The following SCLY variants were observed in gnomAD, a reference collection of about 807,000 sequenced individuals.
The protein encoded by SCLY is selenocysteine lyase, also known as putative selenocysteine lyase.
Under a neutral mutation model 50.1 loss-of-function variants are expected in SCLY, and 38 were observed. The observed-to-expected ratio is 0.76, with a 90% CI of 0.59 to 0.99. The LOEUF is 0.99. SCLY is among the 50% of genes least tolerant of loss of function. The pLI is 0.00. For synonymous variants in SCLY, 243 were observed against 249.4 expected (o/e 0.97, Z 0.24); for missense variants, 600 against 620.0 (o/e 0.97, Z 0.34).
At position 238,067,384 on chromosome 2, in the gene SCLY, T is replaced by C. The variant is rs2065080515; in HGVS notation, c.203-681T>C. On this transcript the variant is annotated intron_variant, in intron 2 of 11. Coordinates refer to ENST00000254663, the MANE Select transcript of SCLY (RefSeq NM_016510.7). The surrounding 1 kb of genome is among the most constrained non-coding windows in gnomAD (Gnocchi z 4.3). ...TTTCTTATTTTTAAATAAGACTGAATGGTCAAAAAAGTTTGGGGACTCCTG... is the reference window on the plus strand; with the variant it reads ...TTTCTTATTTTTAAATAAGACTGAACGGTCAAAAAAGTTTGGGGACTCCTG... Among the ~76,000 whole-genome samples the C allele has an allele frequency of 1.3e-5, 2 of 152,238 alleles. No individual in the cohort carries two copies. The highest frequency in any genetic ancestry group is 2.9e-5 in the Non-Finnish European group (2 of 68,032).
chr2:238,082,903 A>C, intron 6 of SCLY: 1 of 340,884 alleles, frequency 2.9e-6, no homozygotes. Context: ...ACCCCTCTCT[A>C]TTTATGCATT....
chr2:238,065,646 T>C (rs2065061479), intron 2 of SCLY, among the ~76,000 whole-genome samples: 1 of 132,622 alleles, frequency 7.5e-6, no homozygotes, highest in Admixed American at 8.1e-5. Flanking sequence ...TTATTTAAAC[T>C]AATAATATTT....
chr2:238,077,135 A>T (rs76887142), intron 4 of SCLY, among the ~76,000 whole-genome samples: 1 of 151,958 alleles, frequency 6.6e-6, no homozygotes, highest in African/African-American at 2.4e-5. Flanking sequence ...TCTCCCTTCA[A>T]ACCTGTCAGT....
Position 238,078,322 on chromosome 2 carries a change from G to A in SCLY, c.485-3387G>A, listed in dbSNP as rs553057981. ...GATTGTTTAATCATTCACACTTAAT[G>A]TTACTATTGACATAGTTGGAGTACC... On this transcript the variant is annotated intron_variant, in intron 4 of 11. Coordinates refer to ENST00000254663, the MANE Select transcript of SCLY (RefSeq NM_016510.7). Among the ~76,000 whole-genome samples, 5 of 152,186 alleles carry A rather than the reference G, an allele frequency of 3.3e-5. No individual in the cohort carries two copies. The South Asian group carries it at 1.0e-3, about 32-fold the overall frequency.
chr2:238,096,530 C>CAGGTGA (rs2065438384), intron 10 of SCLY, among the ~76,000 whole-genome samples: 1 of 152,230 alleles, frequency 6.6e-6, no homozygotes, highest in South Asian at 2.1e-4. Flanking sequence ...CTCCAGGTGT[C>CAGGTGA]TTAGCAGGCA....
chr2:238,089,007 A>G (rs973274972), intron 7 of SCLY, among the ~76,000 whole-genome samples: 16 of 152,256 alleles, frequency 1.1e-4, no homozygotes, highest in African/African-American at 3.9e-4. Flanking sequence ...ACGATTGTCT[A>G]TAAAGAAAAT....
intron 4 of SCLY, among the ~76,000 whole-genome samples, chr2:238,070,845 T>A (rs941481490): frequency 1.3e-5 from 2 of 151,884 alleles, no homozygotes; most frequent in African/African-American, 2.4e-5. Context: ...TTTTTTTTTT[T>A]CTTTGAGATG....
At position 238,066,605 on chromosome 2, in the gene SCLY, G is replaced by A. The variant is rs2065073524; in HGVS notation, c.203-1460G>A. Among the ~76,000 whole-genome samples the A allele has an allele frequency of 6.6e-6, 1 of 152,214 alleles. No individual in the cohort carries two copies. Among genetic ancestry groups the A allele is most frequent in the African/African-American group, 2.4e-5 (1 of 41,450 alleles). Reference sequence around the variant, plus strand: ...GCTTGGTTGGTGGCTGGGCGGTGGAGAGGCAGAGTCAGGTTTGGAACATCG... The same window carrying A: ...GCTTGGTTGGTGGCTGGGCGGTGGAAAGGCAGAGTCAGGTTTGGAACATCG... On this transcript the variant is annotated intron_variant, in intron 2 of 11. Coordinates refer to ENST00000254663, the MANE Select transcript of SCLY (RefSeq NM_016510.7). The surrounding 1 kb of genome is among the most constrained non-coding windows in gnomAD (Gnocchi z 4.1).
Position 238,093,950 on chromosome 2 carries a change from C to T in SCLY, c.1005+6C>T, listed in dbSNP as rs771772912. On this transcript the variant is annotated splice_donor_region_variant and intron_variant, in intron 9 of 11. Transcript: ENST00000254663. The stretch of plus-strand genomic sequence containing the variant: ...ACCTGGAAGAGAGGCTGGAAGTGAG[C>T]GCAGCGTGGGGTGGGCACCAGGAGG... The T allele has an allele frequency of 1.7e-5, 28 of 1,612,048 alleles. No individual in the cohort carries two copies. The highest frequency in any genetic ancestry group is 1.7e-4 in the Admixed American group (10 of 59,854).
In SCLY at chr2:238,081,620, T is replaced by C. The variant is rs116616910; in HGVS notation, c.485-89T>C. The C allele has an allele frequency of 3.9e-4, 586 of 1,514,600 alleles. 2 individuals carry two copies. In the African/African-American group the frequency reaches 6.9e-3, roughly 18 times the overall value. The allele number at this position is 1,514,600 out of a possible 1,614,324, so 93.8% of individuals were successfully genotyped here. On this transcript the variant is annotated intron_variant, in intron 4 of 11. Transcript: ENST00000254663. ...CTTGGACAACAATTTACTTTTATAG[T>C]TGTAGAAAACTGTTAAGCTCTGTTG... is the stretch of plus-strand genomic sequence containing the variant.
intron 7 of SCLY, among the ~76,000 whole-genome samples, chr2:238,090,586 G>A (rs575747337): frequency 1.3e-3 from 199 of 152,294 alleles, no homozygotes; most frequent in Middle Eastern, 0.01. Context: ...GATGCAGTGA[G>A]TCGAGATCCA....
intron 4 of SCLY, among the ~76,000 whole-genome samples, chr2:238,071,268 A>G (rs2065124605): frequency 6.6e-6 from 1 of 152,234 alleles, no homozygotes; most frequent in Non-Finnish European, 1.5e-5. Context: ...AAATGTATAG[A>G]CATGCATGTG....
chr2:238,095,270 T>C (rs1329943359), intron 10 of SCLY, among the ~76,000 whole-genome samples: 1 of 152,140 alleles, frequency 6.6e-6, no homozygotes, highest in Non-Finnish European at 1.5e-5. Flanking sequence ...TCCTGCAACA[T>C]CTGCCTCGGC....
At chr2:238,070,767 G>T (rs917580508) in intron 4 of SCLY, among the ~76,000 whole-genome samples, 1 of 151,702 alleles carries the variant, frequency 6.6e-6, no homozygotes, top group African/African-American at 2.4e-5. Context: ...TAGATCCCAA[G>T]ATTTAATTTT....
In SCLY at chr2:238,083,338, C is replaced by T. The variant is rs143511249; in HGVS notation, c.868C>T (p.Arg290Trp). The T allele has an allele frequency of 5.2e-5, 84 of 1,611,870 alleles. No individual in the cohort carries two copies. The highest frequency in any genetic ancestry group is 2.7e-4 in the South Asian group (25 of 91,048). ...TATGCTATTTGGAGGTGGACAAGAA[C>T]GGAATTTCAGGCCAGGGTAAGGCAG... ...YPMLFGGGQERNFRPGTENTP... is the reference protein window; with the variant it reads ...YPMLFGGGQEWNFRPGTENTP... The change falls in exon 7 of 12, where the codon CGG becomes TGG. Residue 290 changes from arginine (R) to tryptophan (W), a missense_variant. Physicochemically the swap from Arg to Trp is moderately radical, Grantham distance 101 (BLOSUM62 -3). Transcript: ENST00000254663. The surrounding 1 kb of genome is among the most constrained non-coding windows in gnomAD (Gnocchi z 4.3).
chr2:238,098,836 G>T lies in SCLY; in HGVS notation c.*481G>T, dbSNP rs1574721967. The T allele has an allele frequency of 1.0e-5, 3 of 298,264 alleles. No individual in the cohort carries two copies. The East Asian group carries it at 1.7e-4, about 17-fold the overall frequency. 18.5% of individuals were successfully genotyped at this position (298,264 alleles called of 1,614,324 possible). A position where few individuals can be genotyped will look rare whatever the true frequency, so the allele number is the denominator to read the frequency against. ...ATGCTATCATGAACGTAGGAAACTT[G>T]ATTTTTTTGTTTTGATCATGGCCTC... is the stretch of plus-strand genomic sequence containing the variant. On this transcript the variant is annotated 3_prime_UTR_variant, in exon 12 of 12. Coordinates refer to ENST00000254663, the MANE Select transcript of SCLY (RefSeq NM_016510.7).
chr2:238,083,467 T>C lies in SCLY; in HGVS notation c.884+113T>C. The C allele has an allele frequency of 1.3e-6, 1 of 763,462 alleles. No homozygotes were observed. The allele number at this position is 763,462 out of a possible 1,614,324, so 47.3% of individuals were successfully genotyped here. A position where few individuals can be genotyped will look rare whatever the true frequency, so the allele number is the denominator to read the frequency against. On this transcript the variant is annotated intron_variant, in intron 7 of 11. Transcript: ENST00000254663. The surrounding 1 kb of genome is among the most constrained non-coding windows in gnomAD (Gnocchi z 4.3). Reference sequence around the variant, plus strand: ...TTGGTCTCGTGGAGGCTCTGTAGCATGTCCACACTGCTGCTGTGTCAGAAC... The same window carrying C: ...TTGGTCTCGTGGAGGCTCTGTAGCACGTCCACACTGCTGCTGTGTCAGAAC...
Position 238,064,351 on chromosome 2 carries a change from C to T in SCLY, c.90-6C>T, listed in dbSNP as rs776155174. The T allele has an allele frequency of 6.3e-6, 10 of 1,577,936 alleles. No individual in the cohort carries two copies. The highest frequency in any genetic ancestry group is 5.5e-5 in the Admixed American group (3 of 54,320). On this transcript the variant is annotated splice_polypyrimidine_tract_variant and splice_region_variant and intron_variant, in intron 1 of 11. Transcript: ENST00000254663. ...TTAATGGGTGTCTTTGCTTTCTTTCCTTCAGGAAAGTTTATATGGACTATA... is the reference window on the plus strand; with the variant it reads ...TTAATGGGTGTCTTTGCTTTCTTTCTTTCAGGAAAGTTTATATGGACTATA...
chr2:238,083,418 TG>T lies in SCLY; in HGVS notation c.884+65del. 1.6e-6 allele frequency: 2 copies of T among 1,216,576 alleles called. No homozygotes were observed. Among genetic ancestry groups the T allele is most frequent in the South Asian group, 2.4e-5 (2 of 82,780 alleles). 75.4% of individuals were successfully genotyped at this position (1,216,576 alleles called of 1,614,324 possible). A position where few individuals can be genotyped will look rare whatever the true frequency, so the allele number is the denominator to read the frequency against. On this transcript the variant is annotated intron_variant, in intron 7 of 11. Coordinates refer to ENST00000254663, the MANE Select transcript of SCLY (RefSeq NM_016510.7). The surrounding 1 kb of genome is among the most constrained non-coding windows in gnomAD (Gnocchi z 4.3). ...CGTGTCATTTGTAGAGCAGTGACAT[TG>T]TAAAGAAACATGGCGCTGTTTCTTG...
Sources: gnomAD v4.1 joint callset for allele counts (sites outside exome capture counted in the v4.1 genomes callset) on GRCh38, gnomAD v4.1.1 for gene constraint, Gnocchi (gnomAD v3.1) non-coding constraint, MANE v1.5 for transcripts, NCBI Gene and HGNC (gene_info 2026-07-23, HGNC 2026-07-21) for gene names.